DYNC1I1: variants seen among roughly 807,000 people sequenced by gnomAD.
The protein encoded by DYNC1I1 is cytoplasmic dynein 1 intermediate chain 1.
Under a neutral mutation model 86.6 loss-of-function variants are expected in DYNC1I1, and 43 were observed. The ratio of observed to expected loss-of-function variants is 0.50; its 90% CI spans 0.39 to 0.64. The LOEUF (loss-of-function observed/expected upper bound fraction) is 0.64, where lower values mean the gene tolerates loss of function less well. Among genes scored for constraint, DYNC1I1 ranks in the 30% least tolerant of loss-of-function variants. The pLI is 0.00. For missense variants in DYNC1I1, 604 were observed against 788.8 expected, an observed-to-expected ratio of 0.77 and a Z score of 2.81; for synonymous variants, 262 against 283.7, an observed-to-expected ratio of 0.92 and a Z score of 0.77.
At chr7:96,032,610 A>G in intron 11 of DYNC1I1, 57 bp from the exon 12 acceptor site, 3 of 1,337,722 alleles carry the variant, frequency 2.2e-6, no homozygotes, top group South Asian at 1.2e-5. Context: ...TTGACACTCA[A>G]ATGTAAGCAT....
chr7:95,792,895 A>G (rs1370796345), intron 1 of DYNC1I1, among the ~76,000 whole-genome samples: 1 of 152,210 alleles, frequency 6.6e-6, no homozygotes, highest in African/African-American at 2.4e-5. Flanking sequence ...AAGGCAAAAA[A>G]AAACCACTTG....
At chr7:95,848,963 A>G (rs1039023423) in intron 5 of DYNC1I1, among the ~76,000 whole-genome samples, 1 of 151,976 alleles carries the variant, frequency 6.6e-6, no homozygotes, top group Non-Finnish European at 1.5e-5. Context: ...TTTAATTTGC[A>G]TTTCCCTGAT....
chr7:95,902,091 A>G (rs970127261), intron 6 of DYNC1I1, among the ~76,000 whole-genome samples: 1 of 152,188 alleles, frequency 6.6e-6, no homozygotes, highest in Admixed American at 6.5e-5. Context: ...AAATATTGGT[A>G]TTTAAGGGCG....
intron 6 of DYNC1I1, among the ~76,000 whole-genome samples, chr7:95,879,123 A>G (rs1318777981): frequency 1.3e-5 from 2 of 152,196 alleles, no homozygotes; most frequent in Non-Finnish European, 2.9e-5. Flanking sequence ...GACTGACCCC[A>G]GAGAGTAATT....
intron 6 of DYNC1I1, among the ~76,000 whole-genome samples, chr7:95,945,779 T>C (rs319347): frequency 0.78 from 119,321 of 152,082 alleles, 46,979 homozygotes; most frequent in East Asian, 0.93. Context: ...ATTAGTAGAG[T>C]GGCTGTTTAA....
At chr7:95,857,882 C>T (rs1220573841) in intron 5 of DYNC1I1, among the ~76,000 whole-genome samples, 1 of 152,168 alleles carries the variant, frequency 6.6e-6, no homozygotes, top group Non-Finnish European at 1.5e-5. Context: ...TTTAAACTAC[C>T]TAGACTAGCA....
intron 5 of DYNC1I1, among the ~76,000 whole-genome samples, chr7:95,862,161 T>C (rs1584103906): frequency 6.6e-6 from 1 of 152,242 alleles, no homozygotes. Flanking sequence ...TTAGATATGT[T>C]ACCAAAAGCA....
At chr7:96,009,191 T>G (rs2115836853) in intron 10 of DYNC1I1, among the ~76,000 whole-genome samples, 1 of 152,324 alleles carries the variant, frequency 6.6e-6, no homozygotes, top group African/African-American at 2.4e-5. Flanking sequence ...GGTCTTCACA[T>G]TCTCCCACTT....
At chr7:95,807,907 T>C (rs1794739119) in intron 2 of DYNC1I1, among the ~76,000 whole-genome samples, 2 of 152,248 alleles carry the variant, frequency 1.3e-5, no homozygotes, top group South Asian at 2.1e-4. Context: ...GCTTTTGTTG[T>C]TGTTGTTGTT....
chr7:96,081,104 C>CCAAATATAT (rs1790508158), intron 16 of DYNC1I1, among the ~76,000 whole-genome samples: 1 of 139,442 alleles, frequency 7.2e-6, no homozygotes, highest in Non-Finnish European at 1.6e-5. Flanking sequence ...GAAAAGTTTG[C>CCAAATATAT]CAAATATATC....
At chr7:96,009,181 G>T (rs377445307) in intron 10 of DYNC1I1, among the ~76,000 whole-genome samples, 1 of 152,114 alleles carries the variant, frequency 6.6e-6, no homozygotes, top group African/African-American at 2.4e-5. Flanking sequence ...GGCCCTCTGG[G>T]GTCTTCACAT....
chr7:95,956,103 G>A (rs1303541202), intron 6 of DYNC1I1, among the ~76,000 whole-genome samples: 1 of 152,198 alleles, frequency 6.6e-6, no homozygotes, highest in Admixed American at 6.5e-5. Flanking sequence ...TCCCTGTGAT[G>A]TGATTGACAG....
chr7:95,875,653 G>T (rs1378736719), intron 6 of DYNC1I1, among the ~76,000 whole-genome samples: 2 of 152,200 alleles, frequency 1.3e-5, no homozygotes, highest in African/African-American at 4.8e-5. Flanking sequence ...AGATAGGGAG[G>T]ATGAGGGACT....
In DYNC1I1 at chr7:96,029,016, T is replaced by C. The variant is rs1240856138; in HGVS notation, c.1116+695T>C. Among the ~76,000 whole-genome samples the C allele has an allele frequency of 3.3e-5, 5 of 152,206 alleles. 1 individual carries two copies. In the South Asian group the frequency reaches 6.2e-4, roughly 19 times the overall value. The stretch of plus-strand genomic sequence containing the variant: ...CTACCTTGACACTCAGGGTAACTGA[T>C]GTTCTTTCTCTGAAATGCCCAAATT... On this transcript the variant is annotated intron_variant, in intron 11 of 16. Transcript: ENST00000447467.
rs149115098 is a variant in DYNC1I1, at chr7:95,864,058, G to A, written c.375-5825G>A. Among the ~76,000 whole-genome samples the A allele has an allele frequency of 3.8e-3, 576 of 152,270 alleles. 4 individuals are homozygous for A. The highest frequency in any genetic ancestry group is 0.013 in the African/African-American group (547 of 41,566). On this transcript the variant is annotated intron_variant, in intron 5 of 16. Transcript: ENST00000447467. ...CATGCTTTTATTTGGGAGTAAGTTT[G>A]TATAATCCTAACTTTCTTCAGCTTT... is the stretch of plus-strand genomic sequence containing the variant.
At chr7:95,912,669 GA>G (rs1260620582) in intron 6 of DYNC1I1, among the ~76,000 whole-genome samples, 1 of 152,164 alleles carries the variant, frequency 6.6e-6, no homozygotes, top group East Asian at 1.9e-4. Flanking sequence ...CCCCCTCTTT[GA>G]CCAACATGCC....
intron 9 of DYNC1I1, among the ~76,000 whole-genome samples, chr7:95,994,902 G>T (rs572930248): frequency 1.3e-5 from 2 of 152,240 alleles, no homozygotes; most frequent in East Asian, 1.9e-4. Context: ...CATTTGAAAG[G>T]TATTGAGGAA....
chr7:95,783,598 G>A (rs895686447), intron 1 of DYNC1I1, among the ~76,000 whole-genome samples: 1 of 152,202 alleles, frequency 6.6e-6, no homozygotes, highest in African/African-American at 2.4e-5. Flanking sequence ...GAAGGGTAGT[G>A]ATTAATAATT....
At chr7:95,908,512 T>A (rs567984117) in intron 6 of DYNC1I1, among the ~76,000 whole-genome samples, 1 of 152,318 alleles carries the variant, frequency 6.6e-6, no homozygotes, top group African/African-American at 2.4e-5. Context: ...ATGCTCATAA[T>A]ACACCAAATG....
Sources: gnomAD v4.1 joint callset for allele counts (sites outside exome capture counted in the v4.1 genomes callset) on GRCh38, gnomAD v4.1.1 for gene constraint, MANE v1.5 for transcripts, NCBI Gene and HGNC (gene_info 2026-07-23, HGNC 2026-07-21) for gene names.